ZNF341: variants seen among roughly 807,000 people sequenced by gnomAD.
ZNF341 encodes the protein zinc finger protein 341.
ZNF341 carries 52 observed loss-of-function variants against 87.7 expected under a neutral mutation model. That is an observed-to-expected ratio of 0.59 (90% confidence interval 0.47 to 0.75). The LOEUF is 0.75. ZNF341 is among the 30% of genes least tolerant of loss of function. The probability of loss-of-function intolerance (pLI) is 0.00; values close to 1 mark genes in which losing one functional copy is unlikely to be tolerated. For missense variants in ZNF341, 977 were observed against 1,145.9 expected (o/e 0.85, Z 2.13); for synonymous variants, 459 against 472.7 (o/e 0.97, Z 0.38).
At position 33,741,010 on chromosome 20, in the gene ZNF341, T is replaced by G. The variant is rs2018790058; in HGVS notation, c.140T>G (p.Leu47Trp). 17 of 1,613,848 alleles carry G rather than the reference T, an allele frequency of 1.1e-5. No homozygotes were observed. The highest frequency in any genetic ancestry group is 1.4e-5 in the Non-Finnish European group (16 of 1,179,842). Residue 47 changes from leucine (L) to tryptophan (W), a missense_variant and splice_region_variant, in exon 2 of 15, where the codon TTG (leucine) becomes TGG (tryptophan). This residue lies in a region of ZNF341 where 515 missense variants were observed against 598.2 expected (regional missense o/e 0.86). Transcript: ENST00000375200. Reference sequence around the variant, plus strand: ...AATGCGCCCCCTGCTATCCAGCCATTGGGTGAGTATCTGCTCAGGTTCACC... The same window carrying G: ...AATGCGCCCCCTGCTATCCAGCCATGGGGTGAGTATCTGCTCAGGTTCACC... Reference protein sequence around the residue: ...SVNAPPAIQPLDDEDVFLCGK... With the variant: ...SVNAPPAIQPWDDEDVFLCGK...
chr20:33,776,161 C>G (rs776215390), intron 10 of ZNF341, among the ~76,000 whole-genome samples: 1 of 151,908 alleles, frequency 6.6e-6, no homozygotes, highest in African/African-American at 2.4e-5. Flanking sequence ...TCACTGCAGC[C>G]TTGACCCTTG....
chr20:33,754,800 G>T (rs1247033006), intron 5 of ZNF341, among the ~76,000 whole-genome samples: 1 of 152,148 alleles, frequency 6.6e-6, no homozygotes, highest in Non-Finnish European at 1.5e-5. Context: ...TCTTACATTG[G>T]ACTGTCTGAC....
intron 8 of ZNF341, among the ~76,000 whole-genome samples, chr20:33,764,527 G>A (rs1427842413): frequency 1.8e-5 from 2 of 109,042 alleles, no homozygotes; most frequent in African/African-American, 3.6e-5. Context: ...GTATATATAT[G>A]TGTGTGTGTG....
chr20:33,753,248 C>G lies in ZNF341; in HGVS notation c.566C>G (p.Pro189Arg). 6.2e-7 allele frequency: 1 copy of G among 1,611,806 alleles called. No individual in the cohort carries two copies. The highest frequency in any genetic ancestry group is 8.5e-7 in the Non-Finnish European group (1 of 1,179,872). ...PPPPPPPPPLPPPPPPQPPPP... is the reference protein window; with the variant it reads ...PPPPPPPPPLRPPPPPQPPPP... The stretch of plus-strand genomic sequence containing the variant: ...CCTCCTCCACCTCCTCCACCACTGC[C>G]CCCACCGCCACCACCTCAGCCTCCA... Residue 189 changes from proline (P) to arginine (R), a missense_variant, in exon 5 of 15, where the codon CCC (proline) becomes CGC (arginine). Physicochemically the swap from Pro to Arg is moderately radical, Grantham distance 103. This residue lies in a region of ZNF341 where 515 missense variants were observed against 598.2 expected (regional missense o/e 0.86). Coordinates refer to ENST00000375200, the MANE Select transcript of ZNF341 (RefSeq NM_001282933.2).
At chr20:33,758,478 T>C (rs970162361) in intron 6 of ZNF341, among the ~76,000 whole-genome samples, 29 of 152,068 alleles carry the variant, frequency 1.9e-4, no homozygotes, top group African/African-American at 7.0e-4. Flanking sequence ...GTGGATTTGA[T>C]TGTAGGGCAG....
At chr20:33,790,772 G>A (rs2019993893) in intron 14 of ZNF341, among the ~76,000 whole-genome samples, 1 of 152,174 alleles carries the variant, frequency 6.6e-6, no homozygotes, top group Non-Finnish European at 1.5e-5. Flanking sequence ...CAAGTACAAA[G>A]GCGCAGAGGG....
At chr20:33,747,564 G>A (rs1568936941) in intron 3 of ZNF341, among the ~76,000 whole-genome samples, 1 of 119,582 alleles carries the variant, frequency 8.4e-6, no homozygotes, top group South Asian at 2.5e-4. Context: ...GCAGTGAGCC[G>A]AGGTCCCGCC....
chr20:33,735,579 A>C (rs1234623967), intron 1 of ZNF341, among the ~76,000 whole-genome samples: 1 of 152,050 alleles, frequency 6.6e-6, no homozygotes, highest in Admixed American at 6.6e-5. Context: ...TGACTTCCCA[A>C]AGTGTTAGGA....
intron 3 of ZNF341, among the ~76,000 whole-genome samples, chr20:33,747,418 A>G (rs1286014473): frequency 7.3e-6 from 1 of 137,500 alleles, no homozygotes; most frequent in African/African-American, 3.5e-5. Flanking sequence ...GATCGAGACC[A>G]TCCCGGCTAA....
intron 12 of ZNF341, chr20:33,788,658 C>T (rs2019925612): frequency 1.6e-6 from 1 of 607,606 alleles, no homozygotes. Context: ...ATGGCCTCAT[C>T]AGAGAGGCCT....
In ZNF341 at chr20:33,783,734, G is replaced by A. The variant is rs1282738452; in HGVS notation, c.1722G>A (p.Val574=). The A allele has an allele frequency of 8.1e-6, 13 of 1,613,700 alleles. No individual in the cohort carries two copies. Among genetic ancestry groups the A allele is most frequent in the Non-Finnish European group, 1.1e-5 (13 of 1,179,872 alleles). The change falls in exon 12 of 15, where the codon GTG becomes GTA. Residue 574 remains valine, a splice_region_variant and synonymous_variant. Transcript: ENST00000375200. ...TGAAGGCCCCTCTTCTCTCCCAGGT[G>A]TTTCCTTGTGAACGCTACCTGCGGC... The part of the protein sequence containing the change: ...HNFPCPHCQK[V]FPCERYLRRH...
At chr20:33,744,740 C>T (rs2122644161) in intron 2 of ZNF341, among the ~76,000 whole-genome samples, 1 of 152,194 alleles carries the variant, frequency 6.6e-6, no homozygotes, top group East Asian at 1.9e-4. Flanking sequence ...TATAGGCGCG[C>T]ACCACCATGC....
chr20:33,752,092 C>T (rs181626432), intron 4 of ZNF341: 184 of 404,350 alleles, frequency 4.6e-4, no homozygotes, highest in African/African-American at 3.6e-3. Context: ...CAGTCACGAG[C>T]TAGTGCTGCA....
intron 4 of ZNF341, among the ~76,000 whole-genome samples, chr20:33,749,764 T>G (rs1349718086): frequency 6.6e-6 from 1 of 151,146 alleles, no homozygotes; most frequent in Admixed American, 6.6e-5. Flanking sequence ...GTTCTTTTTT[T>G]TTTTTTGAGA....
chr20:33,741,156 C>G, intron 2 of ZNF341, 144 bp downstream of exon 2: 1 of 731,834 alleles, frequency 1.4e-6, no homozygotes, highest in Non-Finnish European at 2.3e-6. Context: ...CCCCCGCCTC[C>G]CAGCCGGGAT....
intron 4 of ZNF341, among the ~76,000 whole-genome samples, chr20:33,751,449 A>G (rs1393401117): frequency 2.0e-5 from 3 of 152,050 alleles, no homozygotes; most frequent in East Asian, 3.9e-4. Context: ...TGTCTTGGGG[A>G]GGTGGGGAGA....
intron 3 of ZNF341, among the ~76,000 whole-genome samples, chr20:33,745,672 G>A (rs896414778): frequency 3.9e-5 from 6 of 151,924 alleles, no homozygotes; most frequent in African/African-American, 4.8e-5. Context: ...TATAATTTCC[G>A]CAGTTACTTA....
intron 5 of ZNF341, among the ~76,000 whole-genome samples, chr20:33,755,250 A>C (rs1011075271): frequency 6.7e-6 from 1 of 150,078 alleles, no homozygotes; most frequent in African/African-American, 2.5e-5. Context: ...CGTCCCAACA[A>C]GTATTTATTG....
At chr20:33,737,070 A>T (rs978004222) in intron 1 of ZNF341, among the ~76,000 whole-genome samples, 4 of 152,212 alleles carry the variant, frequency 2.6e-5, no homozygotes, top group African/African-American at 7.2e-5. Context: ...TGTTTCAGGG[A>T]GTGGCAGGTG....
Sources: allele counts gnomAD v4.1 joint callset (sites outside exome capture counted in the v4.1 genomes callset), GRCh38; gene constraint gnomAD v4.1.1; regional missense constraint gnomAD v4.1.1; transcripts MANE v1.5; gene names NCBI Gene and HGNC (gene_info 2026-07-23, HGNC 2026-07-21).